Variants in CCDC138 observed in about 807,000 individuals in gnomAD.
CCDC138 encodes the protein coiled-coil domain-containing protein 138.
Under a neutral mutation model 82.3 loss-of-function variants are expected in CCDC138, and 66 were observed. The ratio of observed to expected loss-of-function variants is 0.80; its 90% CI spans 0.66 to 0.98. The LOEUF is 0.98. Ranked by LOEUF, CCDC138 falls within the 50% of genes least tolerant of loss-of-function variation. The pLI, the probability that CCDC138 is intolerant of heterozygous loss-of-function variation, is 0.00. For missense variants in CCDC138, 816 were observed against 758.9 expected, an observed-to-expected ratio of 1.08 and a Z score of -0.88; for synonymous variants, 297 against 265.4, an observed-to-expected ratio of 1.12 and a Z score of -1.16.
downstream of CCDC138, among the ~76,000 whole-genome samples, chr2:108,879,590 C>T (rs556428728): frequency 3.5e-4 from 54 of 152,182 alleles, no homozygotes; most frequent in African/African-American, 1.3e-3. Context: ...GATTAACTTT[C>T]TAATAGAAAA....
intron 2 of CCDC138, among the ~76,000 whole-genome samples, chr2:108,788,579 G>T (rs565331620): frequency 9.1e-4 from 139 of 151,992 alleles, no homozygotes; most frequent in Non-Finnish European, 1.7e-3. Context: ...AATTAGCCGG[G>T]TGTGGTGGCG....
At chr2:108,853,336 T>C (rs892084966) in intron 12 of CCDC138, among the ~76,000 whole-genome samples, 1 of 152,130 alleles carries the variant, frequency 6.6e-6, no homozygotes, top group Non-Finnish European at 1.5e-5. Flanking sequence ...TCTAGAAATA[T>C]TGGGCCCTTA....
At chr2:108,823,321 G>C (rs1383316017) in intron 10 of CCDC138, among the ~76,000 whole-genome samples, 1 of 152,114 alleles carries the variant, frequency 6.6e-6, no homozygotes, top group Non-Finnish European at 1.5e-5. Flanking sequence ...ACCAAAGCTA[G>C]ACAAAGACGC....
At chr2:108,824,406 C>A (rs559825867) in intron 10 of CCDC138, among the ~76,000 whole-genome samples, 1 of 152,028 alleles carries the variant, frequency 6.6e-6, no homozygotes, top group Non-Finnish European at 1.5e-5. Context: ...AACTAAGACA[C>A]AAACGCACAT....
Position 108,815,979 on chromosome 2 carries a change from C to T in CCDC138, c.1080C>T (p.Val360=). ...LNGQVYELLT[V]FMDWISDHHL... ...GGCAAGTTTATGAACTTTTAACTGT[C>T]TTCATGGACTGGATTTCGGATCATC... The change falls in exon 10 of 15, where the codon GTC becomes GTT. Residue 360 remains valine, a synonymous_variant. Coordinates refer to ENST00000295124, the MANE Select transcript of CCDC138 (RefSeq NM_144978.3). 5 of 1,613,192 alleles carry T rather than the reference C, an allele frequency of 3.1e-6. No individual in the cohort carries two copies. The highest frequency in any genetic ancestry group is 4.2e-6 in the Non-Finnish European group (5 of 1,179,408).
chr2:108,825,214 C>T (rs1686355116), intron 10 of CCDC138, among the ~76,000 whole-genome samples: 1 of 152,064 alleles, frequency 6.6e-6, no homozygotes, highest in South Asian at 2.1e-4. Flanking sequence ...TTAGGAGACA[C>T]AAAAACCAAG....
rs757152019 is a variant in CCDC138 at position 108,812,664 on chromosome 2, G to A, written c.889G>A (p.Asp297Asn). The change falls in exon 8 of 15, where the codon GAC (aspartate) becomes AAC (asparagine). Residue 297 changes from aspartate (D) to asparagine (N), a missense_variant. Transcript: ENST00000295124. Reference protein sequence around the residue: ...NEASEENRKIDIQAKRVQARL... With the variant: ...NEASEENRKINIQAKRVQARL... ...AGCAAGTGAAGAAAACAGGAAGATA[G>A]ACATTCAGGCTAAAAGAGTTCAAGC... 2 of 1,613,184 alleles carry A rather than the reference G, an allele frequency of 1.2e-6. No homozygotes were observed. Among genetic ancestry groups the A allele is most frequent in the Admixed American group, 1.7e-5 (1 of 60,004 alleles).
intron 10 of CCDC138, among the ~76,000 whole-genome samples, chr2:108,838,739 C>T (rs939762935): frequency 6.6e-6 from 1 of 151,910 alleles, no homozygotes; most frequent in Non-Finnish European, 1.5e-5. Flanking sequence ...TTTAAAAAAT[C>T]CTTTCATATA....
downstream of CCDC138, among the ~76,000 whole-genome samples, chr2:108,880,108 A>T (rs1574351307): frequency 6.6e-6 from 1 of 152,106 alleles, no homozygotes; most frequent in African/African-American, 2.4e-5. Context: ...AAATCAATGA[A>T]ATTGAAAACA....
At chr2:108,870,629 C>T (rs780342730) in intron 13 of CCDC138, among the ~76,000 whole-genome samples, 35 of 152,136 alleles carry the variant, frequency 2.3e-4, no homozygotes, top group African/African-American at 1.2e-4. Flanking sequence ...TATGTACATA[C>T]GGTAGACTAT....
In CCDC138 at chr2:108,791,790, G is replaced by T. The variant is rs1679948740; in HGVS notation, c.382G>T (p.Glu128Ter). ...GAAAATAACCAAGCAGTCTTTTAAA[G>T]AAATAGAAAAAGGTAAAATAAATAT... ...TSKITKQSFK[E>*]IEKVALPTNT... Residue 128 changes from glutamate to a stop codon, truncating the protein, a stop_gained, in exon 4 of 15, where the codon GAA becomes TAA. Transcript: ENST00000295124. LOFTEE classifies it high-confidence loss of function. 3 of 1,584,188 alleles carry T rather than the reference G, an allele frequency of 1.9e-6. No homozygotes were observed. The highest frequency in any genetic ancestry group is 1.8e-5 in the Admixed American group (1 of 56,738).
intron 10 of CCDC138, among the ~76,000 whole-genome samples, chr2:108,825,657 A>G (rs914572506): frequency 1.3e-5 from 2 of 152,172 alleles, no homozygotes; most frequent in Non-Finnish European, 2.9e-5. Flanking sequence ...TTATTACCAA[A>G]TAATCTATAA....
chr2:108,823,207 A>G (rs1685995365), intron 10 of CCDC138, among the ~76,000 whole-genome samples: 1 of 152,198 alleles, frequency 6.6e-6, no homozygotes, highest in African/African-American at 2.4e-5. Context: ...ATTCTACCAA[A>G]CATTTGAAGA....
chr2:108,811,361 C>T (rs1468777670), intron 7 of CCDC138, among the ~76,000 whole-genome samples: 1 of 149,896 alleles, frequency 6.7e-6, no homozygotes, highest in East Asian at 2.0e-4. Context: ...GCTTCTGCTT[C>T]AGCCTCCTTA....
At position 108,827,748 on chromosome 2, in the gene CCDC138, G is replaced by A. The variant is rs148188886; in HGVS notation, c.1207-11437G>A. Reference sequence around the variant, plus strand: ...GGAGAATGGCATGAACCCAGGAGGCGGAGCTTGCAGTGAGCTGAGATTGTC... The same window carrying A: ...GGAGAATGGCATGAACCCAGGAGGCAGAGCTTGCAGTGAGCTGAGATTGTC... On this transcript the variant is annotated intron_variant, in intron 10 of 14. Transcript: ENST00000295124. Among the ~76,000 whole-genome samples, 546 of 151,444 alleles carry A rather than the reference G, an allele frequency of 3.6e-3. 3 individuals are homozygous for A. Among genetic ancestry groups the A allele is most frequent in the African/African-American group, 0.013 (522 of 41,260 alleles).
At chr2:108,877,756 G>A (rs1696125165), downstream of CCDC138, among the ~76,000 whole-genome samples, 1 of 152,118 alleles carries the variant, frequency 6.6e-6, no homozygotes, top group Admixed American at 6.5e-5. Flanking sequence ...GCCAAAGAAA[G>A]AACTGCATGT....
At chr2:108,790,538 C>T (rs1177883965) in intron 3 of CCDC138, among the ~76,000 whole-genome samples, 3 of 151,966 alleles carry the variant, frequency 2.0e-5, no homozygotes, top group African/African-American at 7.3e-5. Context: ...TAAGACTTAG[C>T]ATAGATAACA....
intron 14 of CCDC138, among the ~76,000 whole-genome samples, chr2:108,875,026 T>TA (rs201714045): frequency 6.6e-6 from 1 of 151,706 alleles, no homozygotes. Flanking sequence ...TAGACTTAGA[T>TA]AAAAAAACAA....
chr2:108,854,109 A>G (rs1372433284), intron 12 of CCDC138, among the ~76,000 whole-genome samples: 1 of 134,416 alleles, frequency 7.4e-6, no homozygotes, highest in Admixed American at 8.5e-5. Flanking sequence ...TATAATAAAT[A>G]TATATAATAT....
Sources: allele counts gnomAD v4.1 joint callset (sites outside exome capture counted in the v4.1 genomes callset), GRCh38; gene constraint gnomAD v4.1.1; transcripts MANE v1.5; gene names NCBI Gene and HGNC (gene_info 2026-07-23, HGNC 2026-07-21).